Variants in IFI44 observed in about 807,000 individuals in gnomAD.
IFI44 encodes the protein interferon-induced protein 44.
A neutral mutation model predicts 45.0 loss-of-function variants in IFI44; 42 were observed. The observed-to-expected ratio is 0.93, with a 90% confidence interval of 0.73 to 1.21. IFI44 has a LOEUF of 1.21. Ranked by LOEUF, IFI44 falls within the 50% of genes most tolerant of loss-of-function variation. IFI44 has a pLI of 0.00. For missense variants in IFI44, 623 were observed against 525.8 expected, an observed-to-expected ratio of 1.18 and a Z score of -1.81; for synonymous variants, 221 against 188.6, an observed-to-expected ratio of 1.17 and a Z score of -1.41.
Position 78,659,488 on chromosome 1 carries a change from G to A in IFI44, c.1012+5G>A. The A allele has an allele frequency of 6.2e-7, 1 of 1,608,332 alleles. No homozygotes were observed. Reference sequence around the variant, plus strand: ...GAAGGGAGTTGGTAAACGCTGGTGAGTCTCATTCCACTTTGCTAAGGGTAA... The same window carrying A: ...GAAGGGAGTTGGTAAACGCTGGTGAATCTCATTCCACTTTGCTAAGGGTAA... On this transcript the variant is annotated splice_donor_5th_base_variant and intron_variant, in intron 6 of 8. Coordinates refer to ENST00000370747, the MANE Select transcript of IFI44 (RefSeq NM_006417.5).
At chr1:78,663,603 C>T in intron 8 of IFI44, 162 bp from the exon 9 acceptor site, 4 of 985,358 alleles carry the variant, frequency 4.1e-6, no homozygotes, top group Non-Finnish European at 4.8e-6. Flanking sequence ...CTTTGTTGCT[C>T]TAACTCTGCC....
Position 78,650,178 on chromosome 1 carries a change from G to C in IFI44, c.-10-8G>C, listed in dbSNP as rs1280189883. 1 of 1,553,770 alleles carries C rather than the reference G, an allele frequency of 6.4e-7. No individual in the cohort carries two copies. Among genetic ancestry groups the C allele is most frequent in the Non-Finnish European group, 8.8e-7 (1 of 1,141,438 alleles). On this transcript the variant is annotated splice_region_variant and splice_polypyrimidine_tract_variant and intron_variant, in intron 1 of 8. Transcript: ENST00000370747. ...ATTTAATGGAAAATATATATGATTT[G>C]CCACTAGATCAAGAAGTATGGCAGT...
intron 2 of IFI44, among the ~76,000 whole-genome samples, chr1:78,651,048 A>C (rs1428327390): frequency 6.6e-6 from 1 of 152,200 alleles, no homozygotes; most frequent in Non-Finnish European, 1.5e-5. Flanking sequence ...CCAAGAATCC[A>C]TGGTGATGTT....
chr1:78,654,420 T>G, intron 3 of IFI44, 141 bp downstream of exon 3: 1 of 523,724 alleles, frequency 1.9e-6, no homozygotes, highest in Non-Finnish European at 3.3e-6. Context: ...TTTATAATCA[T>G]AAAATATTTG....
rs748628209 is a variant in IFI44 at position 78,660,647 on chromosome 1, G to A, written c.1106G>A (p.Arg369Lys). 4.2e-5 allele frequency: 68 copies of A among 1,604,640 alleles called. No individual in the cohort carries two copies. The East Asian group carries it at 1.5e-3, about 35-fold the overall frequency. Residue 369 changes from arginine (R) to lysine (K), a missense_variant, in exon 7 of 9, where the codon AGG becomes AAG. Transcript: ENST00000370747. ...LIEIERCEPV[R>K]SKLEEVQRKL... ...GAAATAGAGAGATGTGAGCCTGTGA[G>A]GTCCAAGGTAATGAATGATGCCCTT... is the stretch of plus-strand genomic sequence containing the variant.
At chr1:78,654,970 G>A (rs745484316) in intron 3 of IFI44, 44 bp from the exon 4 acceptor site, 10 of 1,383,520 alleles carry the variant, frequency 7.2e-6, no homozygotes, top group Admixed American at 2.6e-5. Flanking sequence ...AAGGTTTTGC[G>A]ACCTAACCTC....
At chr1:78,659,254 T>C in intron 5 of IFI44, 58 bp from the exon 6 acceptor site, 2 of 1,383,134 alleles carry the variant, frequency 1.4e-6, no homozygotes, top group South Asian at 2.4e-5. Context: ...GCCTGGTACA[T>C]AGTTTGTGCT....
In IFI44 at chr1:78,650,546, T is replaced by A; in HGVS notation, c.351T>A (p.Asp117Glu). The A allele has an allele frequency of 3.7e-6, 6 of 1,613,662 alleles. No individual in the cohort carries two copies. The highest frequency in any genetic ancestry group is 5.1e-6 in the Non-Finnish European group (6 of 1,179,598). ...KYNSPTNFQIDGRNRKVIMDL... is the reference protein window; with the variant it reads ...KYNSPTNFQIEGRNRKVIMDL... ...ACTCCCCAACTAATTTCCAGATAGATGGAAGAAATAGAAAAGTGATTATGG... is the reference window on the plus strand; with the variant it reads ...ACTCCCCAACTAATTTCCAGATAGAAGGAAGAAATAGAAAAGTGATTATGG... Residue 117 changes from aspartate (D) to glutamate (E), a missense_variant, in exon 2 of 9, where the codon GAT becomes GAA. Asp to Glu is a conservative substitution (Grantham distance 45). Transcript: ENST00000370747.
Position 78,655,358 on chromosome 1 carries a change from A to G in IFI44, c.691-4A>G. The stretch of plus-strand genomic sequence containing the variant: ...CTTTAAAATTGCTTTTCTCCCCTCT[A>G]CAGTATAGGACATACTCTATTAGAG... On this transcript the variant is annotated splice_region_variant and splice_polypyrimidine_tract_variant and intron_variant, in intron 4 of 8. Transcript: ENST00000370747. 1 of 1,596,476 alleles carries G rather than the reference A, an allele frequency of 6.3e-7. No homozygotes were observed. Among genetic ancestry groups the G allele is most frequent in the Non-Finnish European group, 8.5e-7 (1 of 1,174,456 alleles).
Position 78,650,339 on chromosome 1 carries a change from G to A in IFI44, c.144G>A (p.Gly48=), listed in dbSNP as rs36096397. The A allele has an allele frequency of 9.9e-5, 159 of 1,613,918 alleles. 1 individual carries two copies. The African/African-American group carries it at 2.0e-3, about 20-fold the overall frequency. The change falls in exon 2 of 9, where the codon GGG becomes GGA. Residue 48 remains glycine, a synonymous_variant. Transcript: ENST00000370747. ...TGCTTGACAGATGTTGTAATCAAGGGCCTACTCTAACAGTGATTTATAGTG... is the reference window on the plus strand; with the variant it reads ...TGCTTGACAGATGTTGTAATCAAGGACCTACTCTAACAGTGATTTATAGTG... ...GVLLDRCCNQ[G]PTLTVIYSED...
At chr1:78,650,686 T>C (rs1473121796) in intron 2 of IFI44, 34 bp downstream of exon 2, 4 of 1,370,552 alleles carry the variant, frequency 2.9e-6, no homozygotes, top group Non-Finnish European at 4.0e-6. Flanking sequence ...TAGAGAGTTC[T>C]CCCTTGCATG....
chr1:78,659,180 A>G, intron 5 of IFI44, 132 bp from the exon 6 acceptor site: 2 of 677,374 alleles, frequency 3.0e-6, no homozygotes, highest in Non-Finnish European at 4.9e-6. Context: ...CTCTACCAAG[A>G]TTGTTAGCCT....
chr1:78,660,460 T>A, intron 6 of IFI44, 94 bp from the exon 7 acceptor site: 1 of 910,766 alleles, frequency 1.1e-6, no homozygotes, highest in Non-Finnish European at 1.7e-6. Flanking sequence ...AATCTGAAAT[T>A]GTTCCATAGG....
rs1437398547 is a variant in IFI44 at position 78,650,296 on chromosome 1, G to A, written c.101G>A (p.Gly34Glu). ...LSLLYKGSVH[G>E]FRNGVLLDRC... is the part of the protein sequence containing the mutation. Reference sequence around the variant, plus strand: ...CTTCTCTATAAGGGTAGTGTCCATGGATTCCGTAATGGAGTTTTGCTTGAC... The same window carrying A: ...CTTCTCTATAAGGGTAGTGTCCATGAATTCCGTAATGGAGTTTTGCTTGAC... The change falls in exon 2 of 9, where the codon GGA becomes GAA. Residue 34 changes from glycine to glutamate, a missense_variant. Physicochemically the swap from Gly to Glu is moderately conservative, Grantham distance 98 (BLOSUM62 -2). Coordinates refer to ENST00000370747, the MANE Select transcript of IFI44 (RefSeq NM_006417.5). The A allele has an allele frequency of 5.6e-6, 9 of 1,613,924 alleles. No individual in the cohort carries two copies. The Admixed American group carries it at 1.3e-4, about 24-fold the overall frequency.
intron 2 of IFI44, among the ~76,000 whole-genome samples, chr1:78,651,531 C>G (rs1020530339): frequency 6.6e-6 from 1 of 152,152 alleles, no homozygotes; most frequent in East Asian, 1.9e-4. Flanking sequence ...TGCTCTGTGG[C>G]CTGGATCCGA....
intron 5 of IFI44, among the ~76,000 whole-genome samples, chr1:78,655,901 T>G (rs1397307959): frequency 6.6e-6 from 1 of 152,096 alleles, no homozygotes; most frequent in Non-Finnish European, 1.5e-5. Context: ...TCCCCCAAAT[T>G]TATATGTTGA....
chr1:78,661,211 G>A (rs1403855795), intron 7 of IFI44, among the ~76,000 whole-genome samples: 2 of 152,116 alleles, frequency 1.3e-5, no homozygotes, highest in East Asian at 3.9e-4. Flanking sequence ...ACAGGCACAT[G>A]CCACCATGCC....
intron 2 of IFI44, 41 bp from the exon 3 acceptor site, chr1:78,654,202 G>T (rs184089331): frequency 1.8e-6 from 2 of 1,121,700 alleles, no homozygotes; most frequent in Non-Finnish European, 1.4e-6. Flanking sequence ...CCAATTATTC[G>T]ACAACTTCTA....
At chr1:78,662,641 T>C in intron 7 of IFI44, 63 bp from the exon 8 acceptor site, 1 of 1,310,744 alleles carries the variant, frequency 7.6e-7, no homozygotes, top group Non-Finnish European at 1.1e-6. Flanking sequence ...TTTCATAATT[T>C]ATACTAACAT....
Sources: allele counts gnomAD v4.1 joint callset (sites outside exome capture counted in the v4.1 genomes callset), GRCh38; gene constraint gnomAD v4.1.1; transcripts MANE v1.5; gene names NCBI Gene and HGNC (gene_info 2026-07-23, HGNC 2026-07-21).